The following TRIP12 variants were observed in gnomAD, a reference collection of about 807,000 sequenced individuals.
TRIP12 encodes thyroid hormone receptor interactor 12.
TRIP12 carries 25 observed loss-of-function variants against 244.2 expected under a neutral mutation model. The ratio of observed to expected loss-of-function variants is 0.10; its 90% CI spans 0.07 to 0.14. TRIP12 has a LOEUF of 0.14. TRIP12 is among the 10% of genes least tolerant of loss of function. TRIP12 has a pLI of 1.00. For synonymous variants in TRIP12, 905 were observed against 873.1 expected, an observed-to-expected ratio of 1.04 and a Z score of -0.64; for missense variants, 1,677 against 2,486.4, an observed-to-expected ratio of 0.67 and a Z score of 6.92.
intron 4 of TRIP12, among the ~76,000 whole-genome samples, chr2:229,850,471 G>A (rs577529272): frequency 8.5e-5 from 13 of 152,276 alleles, no homozygotes; most frequent in Non-Finnish European, 1.3e-4. Flanking sequence ...TCTTCACAGA[G>A]CTCACAGATT....
rs990356115 is a variant in TRIP12, at chr2:229,872,116, A to G, written c.98+7866T>C. On this transcript the variant is annotated intron_variant, in intron 2 of 41. Transcript: ENST00000675903. ...ATGACAGATATTGTAAAAAAAAAAA[A>G]AAAAAAAAAAAAAAAAGAAGCCTAT... Among the ~76,000 whole-genome samples the G allele has an allele frequency of 6.5e-4, 87 of 133,748 alleles. 2 individuals carry two copies. The highest frequency in any genetic ancestry group is 7.4e-3 in the Middle Eastern group (2 of 270). 87.7% of individuals were successfully genotyped at this position (133,748 alleles called of 152,430 possible).
At chr2:229,904,253 AC>A (rs1201330079) in intron 1 of TRIP12, among the ~76,000 whole-genome samples, 1 of 151,890 alleles carries the variant, frequency 6.6e-6, no homozygotes, top group Admixed American at 6.6e-5. Context: ...CCCTGTCTCT[AC>A]TAAAACTACA....
chr2:229,808,028 C>A (rs150104469), intron 16 of TRIP12, among the ~76,000 whole-genome samples, 164 bp from the exon 17 acceptor site: 1 of 152,090 alleles, frequency 6.6e-6, no homozygotes, highest in East Asian at 1.9e-4. Flanking sequence ...GGCAGTGGCA[C>A]GATCTCAGCT....
chr2:229,874,549 C>T (rs1300507067), intron 2 of TRIP12, among the ~76,000 whole-genome samples: 2 of 151,944 alleles, frequency 1.3e-5, no homozygotes, highest in African/African-American at 2.4e-5. Context: ...TAAAGAAAAT[C>T]ATGGAGCCAC....
intron 37 of TRIP12, among the ~76,000 whole-genome samples, chr2:229,774,612 G>C (rs2035629866): frequency 6.6e-6 from 1 of 152,112 alleles, no homozygotes; most frequent in Non-Finnish European, 1.5e-5. Context: ...ATAAATTCTA[G>C]GCTAATTTTG....
chr2:229,883,240 G>C (rs2065241998), intron 1 of TRIP12, among the ~76,000 whole-genome samples: 1 of 152,116 alleles, frequency 6.6e-6, no homozygotes, highest in Non-Finnish European at 1.5e-5. Flanking sequence ...CACTTCATAG[G>C]TATCACCACC....
chr2:229,859,407 G>A lies in TRIP12; in HGVS notation c.392C>T (p.Ala131Val), dbSNP rs1254958158. The A allele has an allele frequency of 6.2e-7, 1 of 1,613,920 alleles. No homozygotes were observed. The highest frequency in any genetic ancestry group is 8.5e-7 in the Non-Finnish European group (1 of 1,179,992). The change falls in exon 4 of 42, where the codon GCA becomes GTA. Residue 131 changes from alanine to valine, a missense_variant. Around this residue, in one of 11 missense-constraint regions of TRIP12, gnomAD observed 387 missense variants for 392.6 expected, o/e 0.99. Transcript: ENST00000675903. Reference protein sequence around the residue: ...DYNRTNSPSSAKKPKALQHTE... With the variant: ...DYNRTNSPSSVKKPKALQHTE... ...ATGCTGAAGTGCTTTTGGTTTTTTTGCAGAGCTAGGAGAATTGGTCCTGTT... is the reference window on the plus strand; with the variant it reads ...ATGCTGAAGTGCTTTTGGTTTTTTTACAGAGCTAGGAGAATTGGTCCTGTT...
intron 2 of TRIP12, among the ~76,000 whole-genome samples, chr2:229,873,711 G>C (rs1237540832): frequency 6.6e-6 from 1 of 151,594 alleles, no homozygotes; most frequent in African/African-American, 2.4e-5. Context: ...ATAACTAATG[G>C]GGGTTTAAAA....
chr2:229,905,221 C>T (rs1406613936), intron 1 of TRIP12, among the ~76,000 whole-genome samples: 2 of 151,508 alleles, frequency 1.3e-5, no homozygotes, highest in East Asian at 3.9e-4. Flanking sequence ...TTGCGGTGAG[C>T]CGAGATCGCG....
At chr2:229,795,726 C>T (rs952226727) in intron 25 of TRIP12, among the ~76,000 whole-genome samples, 1 of 152,190 alleles carries the variant, frequency 6.6e-6, no homozygotes, top group African/African-American at 2.4e-5. Context: ...TTTTAATGTA[C>T]TACACACTGT....
At position 229,767,399 on chromosome 2, in the gene TRIP12, G is replaced by T; in HGVS notation, c.*155C>A. ...ACTTTAAGTCCATGGGGCCATTAATGAATATCAACCAAATGTCTCTTTATA... is the reference window on the plus strand; with the variant it reads ...ACTTTAAGTCCATGGGGCCATTAATTAATATCAACCAAATGTCTCTTTATA... On this transcript the variant is annotated 3_prime_UTR_variant, in exon 42 of 42. Transcript: ENST00000675903. 1 of 824,698 alleles carries T rather than the reference G, an allele frequency of 1.2e-6. No individual in the cohort carries two copies. The highest frequency in any genetic ancestry group is 1.7e-6 in the Non-Finnish European group (1 of 574,874). 51.1% of individuals were successfully genotyped at this position (824,698 alleles called of 1,614,324 possible).
At chr2:229,918,154 G>A (rs984240088) in intron 1 of TRIP12, among the ~76,000 whole-genome samples, 1 of 152,188 alleles carries the variant, frequency 6.6e-6, no homozygotes, top group African/African-American at 2.4e-5. Context: ...AAACTTGTTC[G>A]AGGAAGTGAT....
chr2:229,900,277 G>C (rs563474430), intron 1 of TRIP12, among the ~76,000 whole-genome samples: 1 of 152,204 alleles, frequency 6.6e-6, no homozygotes, highest in African/African-American at 2.4e-5. Context: ...ATTTGGTTCT[G>C]AAATGAATTT....
chr2:229,808,438 A>G, intron 15 of TRIP12, 69 bp from the exon 16 acceptor site: 1 of 978,612 alleles, frequency 1.0e-6, no homozygotes, highest in South Asian at 1.4e-5. Flanking sequence ...AAAGGCAAAC[A>G]TTGCCCAAGG....
intron 5 of TRIP12, 48 bp from the exon 6 acceptor site, chr2:229,837,032 A>G (rs2154304945): frequency 6.8e-7 from 1 of 1,466,122 alleles, no homozygotes; most frequent in Admixed American, 2.7e-5. Context: ...GTGAACCAGG[A>G]GCAATGTATA....
At chr2:229,790,544 G>A (rs533435510) in intron 30 of TRIP12, among the ~76,000 whole-genome samples, 2 of 152,006 alleles carry the variant, frequency 1.3e-5, no homozygotes, top group African/African-American at 4.8e-5. Flanking sequence ...AGGGGGAGGG[G>A]GGGGTGTCCT....
At chr2:229,831,029 C>T in intron 6 of TRIP12, 190 bp from the exon 7 acceptor site, 1 of 687,962 alleles carries the variant, frequency 1.5e-6, no homozygotes, top group Non-Finnish European at 2.7e-6. Flanking sequence ...GAGAGCTCAA[C>T]TATTTTAGTA....
chr2:229,878,935 A>T lies in TRIP12; in HGVS notation c.98+1047T>A, dbSNP rs1180565915. 2.6e-5 allele frequency among the ~76,000 whole-genome samples: 4 copies of T among 151,984 alleles called. No individual in the cohort carries two copies. In the East Asian group the frequency reaches 7.8e-4, roughly 30 times the overall value. ...AATATGCATTCATGGTTATGGCCGC[A>T]AACTGCTGTATGAGATAATCCTATT... On this transcript the variant is annotated intron_variant, in intron 2 of 41. Coordinates refer to ENST00000675903, the MANE Select transcript of TRIP12 (RefSeq NM_001348323.3).
intron 4 of TRIP12, among the ~76,000 whole-genome samples, chr2:229,856,146 G>A (rs1487166071): frequency 6.6e-6 from 1 of 152,084 alleles, no homozygotes; most frequent in Non-Finnish European, 1.5e-5. Flanking sequence ...ACAAACGCTG[G>A]TTCCATTCTC....
Sources: gnomAD v4.1 joint callset for allele counts (sites outside exome capture counted in the v4.1 genomes callset) on GRCh38, gnomAD v4.1.1 for gene constraint, gnomAD v4.1.1 regional missense constraint, MANE v1.5 for transcripts, NCBI Gene and HGNC (gene_info 2026-07-23, HGNC 2026-07-21) for gene names.